Variants in CSMD1 observed in about 807,000 individuals in gnomAD.
The protein encoded by CSMD1 is CUB and Sushi multiple domains 1.
Under a neutral mutation model 417.5 loss-of-function variants are expected in CSMD1, and 213 were observed. The ratio of observed to expected loss-of-function variants is 0.51; its 90% CI spans 0.46 to 0.57. The LOEUF (loss-of-function observed/expected upper bound fraction) is 0.57, where lower values mean the gene tolerates loss of function less well. Among genes scored for constraint, CSMD1 ranks in the 20% least tolerant of loss-of-function variants. The pLI, the probability that CSMD1 is intolerant of heterozygous loss-of-function variation, is 0.00. For missense variants in CSMD1, 6,923 were observed against 4,529.7 expected (o/e 1.53, Z -15.17); for synonymous variants, 2,862 against 1,736.8 (o/e 1.65, Z -16.11).
chr8:3,030,570 G>A (rs937859482), intron 50 of CSMD1, among the ~76,000 whole-genome samples: 1 of 152,052 alleles, frequency 6.6e-6, no homozygotes, highest in Non-Finnish European at 1.5e-5. Flanking sequence ...TCTACCTCCC[G>A]GGTTCAAGCG....
rs141333808 is a variant in CSMD1 at position 3,577,026 on chromosome 8, G to C, written c.1223-1960C>G. ...GGCCTGCATTTCAAGCTTTTAAAAA[G>C]TACATCTGAAAAACATCTGCAGGGG... On this transcript the variant is annotated intron_variant, in intron 9 of 69. Coordinates refer to ENST00000635120, the MANE Select transcript of CSMD1 (RefSeq NM_033225.6). 2.8e-3 allele frequency among the ~76,000 whole-genome samples: 426 copies of C among 152,274 alleles called. 3 individuals carry two copies. Among genetic ancestry groups the C allele is most frequent in the African/African-American group, 9.8e-3 (407 of 41,558 alleles).
rs139153638 is a variant in CSMD1, at chr8:4,222,270, G to C, written c.416-190171C>G. Among the ~76,000 whole-genome samples the C allele has an allele frequency of 3.1e-3, 467 of 152,230 alleles. 5 individuals carry two copies. Among genetic ancestry groups the C allele is most frequent in the Middle Eastern group, 0.027 (8 of 294 alleles). ...GGTCAGCTAATCTTTTCCCAGTTAT[G>C]ATTTTCCCAGGTATTGCTTTTAATT... On this transcript the variant is annotated intron_variant, in intron 3 of 69. Transcript: ENST00000635120.
chr8:2,952,559 T>C (rs565150964), intron 65 of CSMD1, among the ~76,000 whole-genome samples: 5 of 152,326 alleles, frequency 3.3e-5, no homozygotes, highest in East Asian at 3.9e-4. Flanking sequence ...CATTTGCTTA[T>C]AAATCACTGA....
At chr8:4,402,890 GC>G (rs1157009800) in intron 3 of CSMD1, among the ~76,000 whole-genome samples, 1 of 145,484 alleles carries the variant, frequency 6.9e-6, no homozygotes, top group Non-Finnish European at 1.5e-5. Flanking sequence ...CGCAATCTGG[GC>G]TCACTGCCAG....
chr8:3,805,099 T>A (rs1255595692), intron 5 of CSMD1, among the ~76,000 whole-genome samples: 1 of 152,134 alleles, frequency 6.6e-6, no homozygotes, highest in African/African-American at 2.4e-5. Flanking sequence ...GGAACCCCAC[T>A]GTTATGAATG....
chr8:2,973,324 A>C, intron 56 of CSMD1, 25 bp from the exon 57 acceptor site: 1 of 1,606,532 alleles, frequency 6.2e-7, no homozygotes, highest in Admixed American at 1.7e-5. Context: ...CACATACGGC[A>C]ATCCACAATT....
chr8:3,848,166 G>A (rs1803641385), intron 5 of CSMD1, among the ~76,000 whole-genome samples: 1 of 151,904 alleles, frequency 6.6e-6, no homozygotes, highest in African/African-American at 2.4e-5. Flanking sequence ...ATGAGAAGTT[G>A]GCATTTTTTA....
intron 5 of CSMD1, among the ~76,000 whole-genome samples, chr8:3,876,280 TAGA>T (rs1805811400): frequency 6.6e-6 from 1 of 152,204 alleles, no homozygotes; most frequent in Non-Finnish European, 1.5e-5. Flanking sequence ...TTATTTACCT[TAGA>T]AGTTTTTAGA....
intron 2 of CSMD1, among the ~76,000 whole-genome samples, chr8:4,583,390 C>T (rs1253052139): frequency 3.3e-5 from 5 of 152,260 alleles, no homozygotes; most frequent in African/African-American, 9.6e-5. Context: ...TTTGTAAACA[C>T]ACCAATCAGC....
intron 3 of CSMD1, among the ~76,000 whole-genome samples, chr8:4,289,252 T>A (rs1197910734): frequency 6.6e-6 from 1 of 152,212 alleles, no homozygotes; most frequent in Non-Finnish European, 1.5e-5. Context: ...TTCAACTGTT[T>A]TCCCTGGAAG....
At chr8:3,644,342 T>C (rs1369722460) in intron 7 of CSMD1, among the ~76,000 whole-genome samples, 1 of 152,160 alleles carries the variant, frequency 6.6e-6, no homozygotes, top group African/African-American at 2.4e-5. Context: ...CAAATGGCCT[T>C]GTGTCATGTC....
chr8:3,708,305 A>T (rs1042123536), intron 7 of CSMD1, 109 bp downstream of exon 7: 1 of 808,722 alleles, frequency 1.2e-6, no homozygotes, highest in Admixed American at 2.4e-5. Flanking sequence ...GAAAAGAAGG[A>T]AGAGATAACG....
In CSMD1 at chr8:3,285,905, C is replaced by T. The variant is rs1269484561; in HGVS notation, c.3951-1559G>A. Reference sequence around the variant, plus strand: ...CGTGCAGGTTTGTTACATGTGTATACATGTGCCATGTTGGTCTGCTGCACC... The same window carrying T: ...CGTGCAGGTTTGTTACATGTGTATATATGTGCCATGTTGGTCTGCTGCACC... On this transcript the variant is annotated intron_variant, in intron 25 of 69. Coordinates refer to ENST00000635120, the MANE Select transcript of CSMD1 (RefSeq NM_033225.6). Among the ~76,000 whole-genome samples, 8 of 151,862 alleles carry T rather than the reference C, an allele frequency of 5.3e-5. No individual in the cohort carries two copies. The East Asian group carries it at 1.4e-3, about 26-fold the overall frequency.
chr8:3,976,014 G>A (rs1420170198), intron 5 of CSMD1, among the ~76,000 whole-genome samples: 2 of 151,794 alleles, frequency 1.3e-5, no homozygotes, highest in African/African-American at 4.8e-5. Flanking sequence ...TTATGATCCT[G>A]AAAAGATCAA....
intron 1 of CSMD1, among the ~76,000 whole-genome samples, chr8:4,739,706 G>A (rs1010563027): frequency 6.6e-6 from 1 of 152,130 alleles, no homozygotes; most frequent in African/African-American, 2.4e-5. Context: ...TTTGTGTCTA[G>A]CACTTTACTA....
intron 3 of CSMD1, among the ~76,000 whole-genome samples, chr8:4,118,409 A>C (rs1338429258): frequency 1.3e-5 from 2 of 152,132 alleles, no homozygotes; most frequent in Non-Finnish European, 2.9e-5. Flanking sequence ...TTACAAAAAA[A>C]AAAAATCAAA....
At chr8:3,368,526 A>G (rs893029246) in intron 19 of CSMD1, among the ~76,000 whole-genome samples, 3 of 152,070 alleles carry the variant, frequency 2.0e-5, no homozygotes, top group African/African-American at 7.2e-5. Context: ...TTTAGTAGAG[A>G]CAAGGTTCCA....
chr8:3,279,345 G>C (rs1436756744), intron 26 of CSMD1, among the ~76,000 whole-genome samples: 1 of 152,200 alleles, frequency 6.6e-6, no homozygotes, highest in Non-Finnish European at 1.5e-5. Context: ...TTTAAAAATA[G>C]ACTGGTATTG....
intron 5 of CSMD1, among the ~76,000 whole-genome samples, chr8:3,976,118 A>AT (rs1322302538): frequency 1.3e-5 from 2 of 152,096 alleles, no homozygotes; most frequent in African/African-American, 4.8e-5. Context: ...GAGAAAATAC[A>AT]TTACCTATAT....
Sources: gnomAD v4.1 joint callset for allele counts (sites outside exome capture counted in the v4.1 genomes callset) on GRCh38, gnomAD v4.1.1 for gene constraint, MANE v1.5 for transcripts, NCBI Gene and HGNC (gene_info 2026-07-23, HGNC 2026-07-21) for gene names.